Variants in SF3B1 observed in about 807,000 individuals in gnomAD.
SF3B1 encodes the protein pre-mRNA processing 10.
A neutral mutation model predicts 153.8 loss-of-function variants in SF3B1; 12 were observed. That is an observed-to-expected ratio of 0.08 (90% CI 0.05 to 0.13). The LOEUF is 0.13. SF3B1 is among the 10% of genes least tolerant of loss of function. SF3B1 has a pLI of 1.00. For missense variants in SF3B1, 513 were observed against 1,606.1 expected (o/e 0.32, Z 11.63); for synonymous variants, 498 against 525.2 (o/e 0.95, Z 0.71).
intron 2 of SF3B1, among the ~76,000 whole-genome samples, chr2:197,422,188 T>C (rs1427915029): frequency 1.3e-5 from 2 of 151,992 alleles, no homozygotes; most frequent in South Asian, 4.1e-4. Context: ...CCAAATAAAG[T>C]GCTAACTAGT....
chr2:197,416,524 C>T (rs1458268656), intron 6 of SF3B1: 8 of 452,698 alleles, frequency 1.8e-5, no homozygotes, highest in Admixed American at 7.6e-5. Context: ...CAGAGAAAGG[C>T]CATGTGAGGA....
Position 197,402,894 on chromosome 2 carries a change from A to T in SF3B1, c.1806+55T>A, listed in dbSNP as rs2105987806. ...TTAATCTTCAACCATTTCTTTCCAT[A>T]ATCAATTCCATAAACAGATATAAAT... On this transcript the variant is annotated intron_variant, in intron 13 of 24. Coordinates refer to ENST00000335508, the MANE Select transcript of SF3B1 (RefSeq NM_012433.4). The surrounding 1 kb of genome is among the most constrained non-coding windows in gnomAD (Gnocchi z 4.6). The T allele has an allele frequency of 6.2e-7, 1 of 1,608,148 alleles. No homozygotes were observed. The highest frequency in any genetic ancestry group is 1.1e-5 in the South Asian group (1 of 90,732).
rs2106007938 is a variant in SF3B1 at position 197,418,591 on chromosome 2, G to A, written c.416-3C>T. On this transcript the variant is annotated splice_region_variant and splice_polypyrimidine_tract_variant and intron_variant, in intron 4 of 24. Coordinates refer to ENST00000335508, the MANE Select transcript of SF3B1 (RefSeq NM_012433.4). ...TTTAGGATCAGGGGTTTTCCCTCCT[G>A]CAGAAAAGAACAGCAACAGGAAAAA... The A allele has an allele frequency of 6.2e-7, 1 of 1,608,654 alleles. No individual in the cohort carries two copies. The highest frequency in any genetic ancestry group is 8.5e-7 in the Non-Finnish European group (1 of 1,177,122).
chr2:197,416,345 T>C lies in SF3B1; in HGVS notation c.666+396A>G, dbSNP rs553957194. Among the ~76,000 whole-genome samples the C allele has an allele frequency of 1.3e-3, 204 of 152,288 alleles. 1 individual carries two copies. Among genetic ancestry groups the C allele is most frequent in the Non-Finnish European group, 1.6e-3 (107 of 68,008 alleles). ...ATTCCATAATATGGACTAAATTGCA[T>C]GCCCCTCAAAATCTGTATGTTGAAG... is the stretch of plus-strand genomic sequence containing the variant. On this transcript the variant is annotated intron_variant, in intron 6 of 24. Transcript: ENST00000335508.
At chr2:197,411,394 C>A (rs1211786770) in intron 6 of SF3B1, among the ~76,000 whole-genome samples, 2 of 151,306 alleles carry the variant, frequency 1.3e-5, no homozygotes, top group African/African-American at 4.9e-5. Flanking sequence ...GAGCTCTTGG[C>A]CGGGTGCGGT....
intron 1 of SF3B1, among the ~76,000 whole-genome samples, chr2:197,431,178 C>T (rs775819109): frequency 4.5e-5 from 6 of 133,254 alleles, no homozygotes; most frequent in Admixed American, 4.5e-4. Context: ...AGTGGCGTGG[C>T]GTGATCTCAG....
intron 3 of SF3B1, 28 bp downstream of exon 3, chr2:197,421,001 A>G (rs1309194784): frequency 7.0e-7 from 1 of 1,420,676 alleles, no homozygotes; most frequent in South Asian, 1.2e-5. Flanking sequence ...TTAGCTGAAT[A>G]AACTATGCTT....
intron 1 of SF3B1, among the ~76,000 whole-genome samples, chr2:197,424,749 T>C (rs957501641): frequency 5.3e-5 from 8 of 152,238 alleles, no homozygotes; most frequent in Non-Finnish European, 7.3e-5. Flanking sequence ...AAATAATACA[T>C]AGATGTATAA....
At position 197,396,217 on chromosome 2, in the gene SF3B1, A is replaced by G. The variant is rs1438960918; in HGVS notation, c.3378T>C (p.Phe1126=). ...IAIVAETCSP[F]TVLPALMNEY... ...CATTCATTAAGGCAGGGAGTACTGT[A>G]AAGGGTGAACATGTTTCTGCAACAA... Residue 1126 remains phenylalanine, a synonymous_variant, in exon 23 of 25, where the codon TTT becomes TTC. Transcript: ENST00000335508. 1.2e-5 allele frequency: 19 copies of G among 1,613,970 alleles called. No homozygotes were observed. In the Middle Eastern group the frequency reaches 5.0e-4, roughly 42 times the overall value.
intron 1 of SF3B1, among the ~76,000 whole-genome samples, chr2:197,432,288 T>C (rs1231588814): frequency 6.6e-6 from 1 of 152,240 alleles, no homozygotes; most frequent in Non-Finnish European, 1.5e-5. Context: ...CAAGCTGATA[T>C]GTAGGATTTT....
intron 8 of SF3B1, 81 bp downstream of exon 8, chr2:197,408,288 A>T (rs2085021043): frequency 7.2e-7 from 1 of 1,393,324 alleles, no homozygotes; most frequent in Middle Eastern, 1.9e-4. Flanking sequence ...GTTGACATTA[A>T]TAGTACACAG....
At chr2:197,415,806 G>A (rs1039157810) in intron 6 of SF3B1, among the ~76,000 whole-genome samples, 4 of 151,700 alleles carry the variant, frequency 2.6e-5, no homozygotes, top group African/African-American at 4.8e-5. Flanking sequence ...AGATGCCATC[G>A]TTTTGTTTTT....
intron 6 of SF3B1, among the ~76,000 whole-genome samples, chr2:197,415,715 A>G (rs966629695): frequency 2.0e-5 from 3 of 152,216 alleles, no homozygotes; most frequent in Admixed American, 6.5e-5. Flanking sequence ...TTAGTCTGCA[A>G]GTATATTATT....
At chr2:197,417,137 A>G (rs973766054) in intron 5 of SF3B1, among the ~76,000 whole-genome samples, 4 of 152,220 alleles carry the variant, frequency 2.6e-5, no homozygotes, top group Admixed American at 1.3e-4. Flanking sequence ...AATTCGTAAC[A>G]TAGCACACTG....
At chr2:197,410,168 C>T (rs1005231325) in intron 6 of SF3B1, among the ~76,000 whole-genome samples, 161 bp from the exon 7 acceptor site, 1 of 152,170 alleles carries the variant, frequency 6.6e-6, no homozygotes, top group African/African-American at 2.4e-5. Flanking sequence ...AAGATACCTA[C>T]TTTCTAGCAA....
At chr2:197,418,784 C>T in intron 4 of SF3B1, 196 bp from the exon 5 acceptor site, 2 of 1,477,604 alleles carry the variant, frequency 1.4e-6, no homozygotes, top group Non-Finnish European at 1.8e-6. Flanking sequence ...TGAACACAAA[C>T]ATCTACAGCA....
At chr2:197,424,741 A>G (rs1296915607) in intron 1 of SF3B1, among the ~76,000 whole-genome samples, 1 of 152,240 alleles carries the variant, frequency 6.6e-6, no homozygotes, top group Non-Finnish European at 1.5e-5. Flanking sequence ...AATAATCTAA[A>G]TAATACATAG....
At position 197,400,522 on chromosome 2, in the gene SF3B1, C is replaced by T. The variant is rs2084927243; in HGVS notation, c.2719-88G>A. ...ACTAAGAGTCAACCTTTTCTAACCA[C>T]CCAAACATCTGTTGCTGTTTTTTTA... On this transcript the variant is annotated intron_variant, in intron 18 of 24. Coordinates refer to ENST00000335508, the MANE Select transcript of SF3B1 (RefSeq NM_012433.4). The surrounding 1 kb of genome is among the most constrained non-coding windows in gnomAD (Gnocchi z 5.0). 9 of 1,205,484 alleles carry T rather than the reference C, an allele frequency of 7.5e-6. No individual in the cohort carries two copies. Among genetic ancestry groups the T allele is most frequent in the South Asian group, 1.5e-5 (1 of 65,528 alleles). The allele number at this position is 1,205,484 out of a possible 1,614,324, so 74.7% of individuals were successfully genotyped here. A position where few individuals can be genotyped will look rare whatever the true frequency, so the allele number is the denominator to read the frequency against.
chr2:197,392,383 C>A lies in SF3B1; in HGVS notation c.3835G>T (p.Ala1279Ser), dbSNP rs747843981. 1 of 1,610,146 alleles carries A rather than the reference C, an allele frequency of 6.2e-7. No homozygotes were observed. The highest frequency in any genetic ancestry group is 8.5e-7 in the Non-Finnish European group (1 of 1,176,672). ...ATTCTTGGGTAATGTGCTATGAGAG[C>A]GTCCTGGGAACCAATGTAGATGGAG... ...YNSIYIGSQDALIAHYPRIYN... is the reference protein window; with the variant it reads ...YNSIYIGSQDSLIAHYPRIYN... Residue 1279 changes from alanine (A) to serine (S), a missense_variant, in exon 25 of 25, where the codon GCT becomes TCT. Ala to Ser is a moderately conservative substitution (Grantham distance 99). Coordinates refer to ENST00000335508, the MANE Select transcript of SF3B1 (RefSeq NM_012433.4).
Sources: allele counts gnomAD v4.1 joint callset (sites outside exome capture counted in the v4.1 genomes callset), GRCh38; gene constraint gnomAD v4.1.1; non-coding constraint Gnocchi (gnomAD v3.1); transcripts MANE v1.5; gene names NCBI Gene and HGNC (gene_info 2026-07-23, HGNC 2026-07-21).